The following CEP95 variants were observed in gnomAD, a reference collection of about 807,000 sequenced individuals.
CEP95 encodes centrosomal protein of 95 kDa.
CEP95 carries 98 observed loss-of-function variants against 111.2 expected under a neutral mutation model. That is an observed-to-expected ratio of 0.88 (90% CI 0.75 to 1.04). The LOEUF (loss-of-function observed/expected upper bound fraction) is 1.04. CEP95 is among the 50% of genes least tolerant of loss of function. The pLI, the probability that CEP95 is intolerant of heterozygous loss-of-function variation, is 0.00. For missense variants in CEP95, 1,027 were observed against 977.2 expected (o/e 1.05, Z -0.68); for synonymous variants, 323 against 327.1 (o/e 0.99, Z 0.14).
intron 14 of CEP95, 181 bp from the exon 15 acceptor site, chr17:64,532,658 T>C: frequency 1.4e-6 from 2 of 1,412,476 alleles, no homozygotes; most frequent in Non-Finnish European, 1.8e-6. Flanking sequence ...CTTATTTTTA[T>C]CCTTACCAGT....
intron 4 of CEP95, 43 bp downstream of exon 4, chr17:64,514,401 A>C (rs1048574869): frequency 8.1e-6 from 7 of 860,196 alleles, no homozygotes; most frequent in Non-Finnish European, 1.2e-5. Flanking sequence ...ACCTTTTATG[A>C]TGTGTCCCTT....
At chr17:64,525,485 G>T (rs1568143306) in intron 8 of CEP95, among the ~76,000 whole-genome samples, 1 of 152,154 alleles carries the variant, frequency 6.6e-6, no homozygotes, top group Non-Finnish European at 1.5e-5. Flanking sequence ...TGTTGCTCAG[G>T]TATAGTGGTA....
chr17:64,516,974 G>T, intron 5 of CEP95, 146 bp downstream of exon 5: 1 of 550,744 alleles, frequency 1.8e-6, no homozygotes, highest in Non-Finnish European at 3.2e-6. Context: ...CTTTCCTGAG[G>T]GAGTTTTAAG....
Position 64,534,657 on chromosome 17 carries a change from G to A in CEP95, c.1990G>A (p.Val664Ile), listed in dbSNP as rs782301262. ...SKIKENRQQIVRARKYYDDYR... is the reference protein window; with the variant it reads ...SKIKENRQQIIRARKYYDDYR... ...GATAAAAGAAAATCGACAGCAAATC[G>A]TTCGTGCTCGAAAATATTATGATGA... The change falls in exon 17 of 20, where the codon GTT (valine) becomes ATT (isoleucine). Residue 664 changes from valine to isoleucine, a missense_variant. Coordinates refer to ENST00000556440, the MANE Select transcript of CEP95 (RefSeq NM_138363.3). 3.1e-6 allele frequency: 5 copies of A among 1,613,740 alleles called. No individual in the cohort carries two copies. Among genetic ancestry groups the A allele is most frequent in the South Asian group, 2.2e-5 (2 of 91,052 alleles).
At chr17:64,523,589 T>TTTTTATATA (rs1967550139) in intron 8 of CEP95, among the ~76,000 whole-genome samples, 2 of 151,668 alleles carry the variant, frequency 1.3e-5, no homozygotes, top group African/African-American at 4.9e-5. Context: ...GAAAAAACCT[T>TTTTTATATA]TTTTATATAG....
At chr17:64,507,470 GGTC>G (rs1344488187) in intron 1 of CEP95, 1 of 1,270,384 alleles carries the variant, frequency 7.9e-7, no homozygotes. Context: ...TGGGCCCTGA[GGTC>G]GTACCTGCTT....
rs1968099764 is a variant in CEP95 at position 64,529,362 on chromosome 17, T to G, written c.1381T>G (p.Phe461Val). ...SPSPVNKHKQ[F>V]HLERKRQRKP... Reference sequence around the variant, plus strand: ...ATCTCCAGTTAACAAACACAAACAGTTCCACTTGGAGAGAAAAAGGCAGCG... The same window carrying G: ...ATCTCCAGTTAACAAACACAAACAGGTCCACTTGGAGAGAAAAAGGCAGCG... Residue 461 changes from phenylalanine to valine, a missense_variant, in exon 12 of 20, where the codon TTC (phenylalanine) becomes GTC (valine). Transcript: ENST00000556440. The G allele has an allele frequency of 1.2e-6, 2 of 1,613,728 alleles. No individual in the cohort carries two copies. The highest frequency in any genetic ancestry group is 1.6e-4 in the Middle Eastern group (1 of 6,082).
At chr17:64,530,876 C>A in intron 12 of CEP95, 50 bp from the exon 13 acceptor site, 1 of 1,083,428 alleles carries the variant, frequency 9.2e-7, no homozygotes, top group South Asian at 1.6e-5. Context: ...ATGGTGCTGC[C>A]CGTTGTGTAT....
intron 13 of CEP95, 166 bp downstream of exon 13, chr17:64,531,184 A>G: frequency 2.4e-6 from 1 of 422,350 alleles, no homozygotes; most frequent in Non-Finnish European, 4.2e-6. Context: ...TTAATAAGGC[A>G]TTCAGGTTGC....
intron 11 of CEP95, among the ~76,000 whole-genome samples, chr17:64,527,552 C>T (rs1162422460): frequency 6.6e-6 from 1 of 152,108 alleles, no homozygotes; most frequent in Non-Finnish European, 1.5e-5. Context: ...TTAAAGTTGG[C>T]ATCTTTTCTT....
rs200297929 is a variant in CEP95, at chr17:64,510,258, G to T, written c.234G>T (p.Gln78His). 9 of 1,607,388 alleles carry T rather than the reference G, an allele frequency of 5.6e-6. 1 individual carries two copies. The South Asian group carries it at 1.0e-4, about 18-fold the overall frequency. ...ATTCACTGGCCTTGGACTACTTGCAGGTCAGCTTGTCTCACATAACAGGTT... is the reference window on the plus strand; with the variant it reads ...ATTCACTGGCCTTGGACTACTTGCATGTCAGCTTGTCTCACATAACAGGTT... Reference protein sequence around the residue: ...VIDSLALDYLQVSLSHITGEN... With the variant: ...VIDSLALDYLHVSLSHITGEN... Residue 78 changes from glutamine to histidine, a missense_variant, in exon 3 of 20, where the codon CAG (glutamine) becomes CAT (histidine). By Grantham distance (24) the Gln-to-His change is conservative. Coordinates refer to ENST00000556440, the MANE Select transcript of CEP95 (RefSeq NM_138363.3).
intron 17 of CEP95, chr17:64,536,352 G>A (rs1968654198): frequency 8.1e-6 from 2 of 245,890 alleles, no homozygotes; most frequent in Non-Finnish European, 1.6e-5. Flanking sequence ...GGGTAGCCAA[G>A]GTGGGAGAAT....
At chr17:64,508,752 C>G (rs1312982175) in intron 2 of CEP95, 32 bp downstream of exon 2, 1 of 1,298,466 alleles carries the variant, frequency 7.7e-7, no homozygotes, top group Non-Finnish European at 1.0e-6. Flanking sequence ...GTAATTTTGC[C>G]TATATCTTAG....
At chr17:64,521,025 C>G (rs1402450224) in intron 6 of CEP95, among the ~76,000 whole-genome samples, 1 of 152,060 alleles carries the variant, frequency 6.6e-6, no homozygotes, top group African/African-American at 2.4e-5. Flanking sequence ...GGGCGGATCA[C>G]CTGAGGTAGG....
At chr17:64,533,454 A>G (rs116799531) in intron 16 of CEP95, among the ~76,000 whole-genome samples, 354 of 152,160 alleles carry the variant, frequency 2.3e-3, no homozygotes, top group African/African-American at 8.1e-3. Context: ...GGGTGTGGAA[A>G]AAATGAGCCT....
At chr17:64,506,844 G>A (rs918171997), upstream of CEP95, 117 of 606,564 alleles carry the variant, frequency 1.9e-4, no homozygotes, top group East Asian at 3.2e-3. Flanking sequence ...CCTTTGACGG[G>A]TTTTGGTCGG....
intron 8 of CEP95, among the ~76,000 whole-genome samples, chr17:64,524,168 T>C (rs1184925018): frequency 2.6e-5 from 4 of 152,328 alleles, no homozygotes; most frequent in African/African-American, 9.6e-5. Context: ...ATTTCTGAGT[T>C]GGTAATACTC....
rs558642313 is a variant in CEP95, at chr17:64,533,452, A to G, written c.1917+261A>G. Among the ~76,000 whole-genome samples the G allele has an allele frequency of 9.2e-5, 14 of 152,098 alleles. 1 individual carries two copies. The South Asian group carries it at 2.5e-3, about 27-fold the overall frequency. On this transcript the variant is annotated intron_variant, in intron 16 of 19. Coordinates refer to ENST00000556440, the MANE Select transcript of CEP95 (RefSeq NM_138363.3). ...ATTAAAAATATATATATGGGTGTGG[A>G]AAAAATGAGCCTGGCATGGTGGCAT...
At chr17:64,532,601 G>C (rs1198457817) in intron 14 of CEP95, 16 of 1,295,890 alleles carry the variant, frequency 1.2e-5, no homozygotes, top group Non-Finnish European at 1.6e-5. Context: ...TGAGCAATTA[G>C]GATGGACTTC....
Sources: gnomAD v4.1 joint callset for allele counts (sites outside exome capture counted in the v4.1 genomes callset) on GRCh38, gnomAD v4.1.1 for gene constraint, MANE v1.5 for transcripts, NCBI Gene and HGNC (gene_info 2026-07-23, HGNC 2026-07-21) for gene names.